The following WWOX variants were observed in gnomAD, a reference collection of about 807,000 sequenced individuals.
WWOX encodes WW domain-containing oxidoreductase.
Under a neutral mutation model 46.2 loss-of-function variants are expected in WWOX, and 69 were observed. The observed-to-expected ratio is 1.49, with a 90% CI of 1.23 to 1.82. The LOEUF (loss-of-function observed/expected upper bound fraction) is 1.82. WWOX is among the 40% of genes most tolerant of loss of function. WWOX has a pLI of 0.00. For missense variants in WWOX, 919 were observed against 542.6 expected, an observed-to-expected ratio of 1.69 and a Z score of -6.89; for synonymous variants, 359 against 202.6, an observed-to-expected ratio of 1.77 and a Z score of -6.56.
At chr16:78,858,968 C>A (rs2052637047) in intron 8 of WWOX, among the ~76,000 whole-genome samples, 1 of 134,442 alleles carries the variant, frequency 7.4e-6, no homozygotes, top group Non-Finnish European at 1.5e-5. Context: ...TGTGAGCCAC[C>A]ACGGCTGGCC....
chr16:78,655,868 G>C (rs1039150554), intron 8 of WWOX, among the ~76,000 whole-genome samples: 2 of 152,188 alleles, frequency 1.3e-5, no homozygotes, highest in African/African-American at 4.8e-5. Flanking sequence ...CCTGTGGGCT[G>C]TCTGTGTGTG....
At chr16:78,443,313 A>C (rs930506337) in intron 8 of WWOX, among the ~76,000 whole-genome samples, 1 of 150,860 alleles carries the variant, frequency 6.6e-6, no homozygotes, top group Non-Finnish European at 1.5e-5. Context: ...ACAAAAAAAC[A>C]AAAAAAAACC....
At chr16:78,990,014 T>C (rs749000763) in intron 8 of WWOX, among the ~76,000 whole-genome samples, 11 of 151,676 alleles carry the variant, frequency 7.3e-5, no homozygotes, top group Non-Finnish European at 1.6e-4. Context: ...AAAGCCCTCA[T>C]CTCTACAAAA....
chr16:79,170,868 A>G (rs1413684524), intron 8 of WWOX, among the ~76,000 whole-genome samples: 2 of 152,172 alleles, frequency 1.3e-5, no homozygotes, highest in Non-Finnish European at 2.9e-5. Flanking sequence ...TTCTTCATCA[A>G]CTTTGGCCAA....
chr16:78,308,731 G>A (rs771669912), intron 5 of WWOX, among the ~76,000 whole-genome samples: 67 of 152,128 alleles, frequency 4.4e-4, no homozygotes, highest in Middle Eastern at 3.4e-3. Context: ...TCTCTCTGAG[G>A]CCTATTTCCT....
chr16:78,740,899 A>G (rs1246683647), intron 8 of WWOX, among the ~76,000 whole-genome samples: 1 of 152,150 alleles, frequency 6.6e-6, no homozygotes, highest in African/African-American at 2.4e-5. Flanking sequence ...AGCCCCCACC[A>G]GAAACCCTCA....
intron 8 of WWOX, among the ~76,000 whole-genome samples, chr16:78,446,599 A>G (rs1314165280): frequency 6.7e-6 from 1 of 150,068 alleles, no homozygotes; most frequent in Non-Finnish European, 1.5e-5. Flanking sequence ...TATAAAAATT[A>G]CTTATGATAT....
intron 8 of WWOX, among the ~76,000 whole-genome samples, chr16:78,914,567 T>A (rs4888877): frequency 0.89 from 135,461 of 151,978 alleles, 61,902 homozygotes; most frequent in East Asian, 1. Context: ...ATCAAGAACT[T>A]TTAGGCACTG....
chr16:79,077,727 A>C (rs1421325387), intron 8 of WWOX, among the ~76,000 whole-genome samples: 4 of 152,008 alleles, frequency 2.6e-5, no homozygotes, highest in African/African-American at 9.7e-5. Context: ...TGGTGTAAGA[A>C]ATAATAATCT....
intron 3 of WWOX, 29 bp downstream of exon 3, chr16:78,109,864 G>C: frequency 6.2e-7 from 1 of 1,613,714 alleles, no homozygotes; most frequent in Non-Finnish European, 8.5e-7. Flanking sequence ...ACCACTCTCA[G>C]CTGTTTTGCT....
chr16:78,973,127 G>A (rs556961259), intron 8 of WWOX, among the ~76,000 whole-genome samples: 1 of 152,218 alleles, frequency 6.6e-6, no homozygotes, highest in Admixed American at 6.5e-5. Context: ...TTCCCTTCCC[G>A]TATAAGGTGG....
At chr16:78,548,152 C>CAAAA (rs11320544) in intron 8 of WWOX, among the ~76,000 whole-genome samples, 1 of 34,268 alleles carries the variant, frequency 2.9e-5, no homozygotes, top group African/African-American at 8.2e-5. Flanking sequence ...AAGACTGTCT[C>CAAAA]AAAAAAAAAA....
At chr16:78,251,775 G>A (rs1006996833) in intron 5 of WWOX, among the ~76,000 whole-genome samples, 6 of 152,156 alleles carry the variant, frequency 3.9e-5, no homozygotes, top group African/African-American at 1.4e-4. Context: ...TATCGTTAAA[G>A]GATTAGTCAG....
At chr16:78,315,285 T>A (rs1055449475) in intron 5 of WWOX, among the ~76,000 whole-genome samples, 1 of 152,068 alleles carries the variant, frequency 6.6e-6, no homozygotes, top group African/African-American at 2.4e-5. Flanking sequence ...AGTGAAACTG[T>A]TTTTTTTCCT....
chr16:78,169,051 C>T (rs1186153222), intron 5 of WWOX, among the ~76,000 whole-genome samples: 4 of 152,120 alleles, frequency 2.6e-5, no homozygotes, highest in Admixed American at 6.6e-5. Flanking sequence ...GGCACATCAG[C>T]CCCCATTCAT....
rs73574549 is a variant in WWOX at position 78,303,850 on chromosome 16, C to T, written c.517-83010C>T. On this transcript the variant is annotated intron_variant, in intron 5 of 8. Transcript: ENST00000566780. ...GTGAGCCACCGTGCCCGGCCAGACC[C>T]GTGCTCTTTCTCCCACCACTGCCCT... is the stretch of plus-strand genomic sequence containing the variant. Among the ~76,000 whole-genome samples the T allele has an allele frequency of 4.5e-3, 689 of 152,246 alleles. 4 individuals carry two copies. The highest frequency in any genetic ancestry group is 0.016 in the African/African-American group (662 of 41,540).
rs567079501 is a variant in WWOX at position 79,188,355 on chromosome 16, C to T, written c.1057-23253C>T. Among the ~76,000 whole-genome samples, 13 of 151,140 alleles carry T rather than the reference C, an allele frequency of 8.6e-5. No individual in the cohort carries two copies. In the South Asian group the frequency reaches 1.9e-3, roughly 22 times the overall value. The stretch of plus-strand genomic sequence containing the variant: ...TGAGTCGTGACCGGTGTGGCCAAGA[C>T]CTATTTCCCTTGCAAATGCTCTCTC... On this transcript the variant is annotated intron_variant, in intron 8 of 8. Transcript: ENST00000566780.
chr16:79,017,265 C>G (rs1023591441), intron 8 of WWOX: 10 of 150,130 alleles, frequency 6.7e-5, no homozygotes, highest in African/African-American at 2.2e-4. Flanking sequence ...CCCATATCTC[C>G]TAAAAATACA....
intron 8 of WWOX, among the ~76,000 whole-genome samples, chr16:78,997,487 C>G (rs114592767): frequency 1.9e-3 from 291 of 152,216 alleles, no homozygotes; most frequent in African/African-American, 6.7e-3. Flanking sequence ...GCTTTCTACT[C>G]CAGATTTTTA....
Sources: allele counts gnomAD v4.1 joint callset (sites outside exome capture counted in the v4.1 genomes callset), GRCh38; gene constraint gnomAD v4.1.1; transcripts MANE v1.5; gene names NCBI Gene and HGNC (gene_info 2026-07-23, HGNC 2026-07-21).